The following MEGF8 variants were observed in gnomAD, a reference collection of about 807,000 sequenced individuals.
MEGF8 encodes multiple EGF like domains 8, also known as multiple epidermal growth factor-like domains protein 8.
MEGF8 carries 156 observed loss-of-function variants against 302.9 expected under a neutral mutation model. That is an observed-to-expected ratio of 0.52 (90% CI 0.45 to 0.59). MEGF8 has a LOEUF of 0.59. Ranked by LOEUF, MEGF8 falls within the 20% of genes least tolerant of loss-of-function variation. MEGF8 has a pLI of 0.00. For missense variants in MEGF8, 3,345 were observed against 3,964.5 expected, an observed-to-expected ratio of 0.84 and a Z score of 4.20; for synonymous variants, 1,621 against 1,660.5, an observed-to-expected ratio of 0.98 and a Z score of 0.58.
chr19:42,326,414 C>T lies in MEGF8; in HGVS notation c.171C>T (p.Cys57=). ...GAGNYSVNGN[C]EWLIEAPSPQ... ...GCAACTACAGCGTCAATGGCAACTG[C>T]GAGTGGCTCATCGAGGGTGAGTGGG... The change falls in exon 1 of 42, where the codon TGC becomes TGT. Residue 57 remains cysteine, a synonymous_variant. Coordinates refer to ENST00000251268, the MANE Select transcript of MEGF8 (RefSeq NM_001271938.2). 6.4e-7 allele frequency: 1 copy of T among 1,561,992 alleles called. No individual in the cohort carries two copies. Among genetic ancestry groups the T allele is most frequent in the Non-Finnish European group, 8.6e-7 (1 of 1,159,162 alleles).
In MEGF8 at chr19:42,352,188, T is replaced by A; in HGVS notation, c.3102-20T>A. 1 of 1,494,324 alleles carries A rather than the reference T, an allele frequency of 6.7e-7. No individual in the cohort carries two copies. The highest frequency in any genetic ancestry group is 8.9e-7 in the Non-Finnish European group (1 of 1,118,580). 92.6% of individuals were successfully genotyped at this position (1,494,324 alleles called of 1,614,324 possible). On this transcript the variant is annotated intron_variant, in intron 18 of 41. Coordinates refer to ENST00000251268, the MANE Select transcript of MEGF8 (RefSeq NM_001271938.2). The surrounding 1 kb of genome is among the most constrained non-coding windows in gnomAD (Gnocchi z 4.4). ...CTGTTTCTATGTTGTCCCCCGCTTC[T>A]TCACTCTCCCACCCTGCAGGTGCCT...
At chr19:42,346,984 CAAAAA>C (rs767117534) in intron 12 of MEGF8, among the ~76,000 whole-genome samples, 3 of 49,812 alleles carry the variant, frequency 6.0e-5, no homozygotes, top group Admixed American at 2.0e-4. Context: ...GACTCTGTCT[CAAAAA>C]AAAAAAAAAA....
Position 42,353,543 on chromosome 19 carries a change from C to T in MEGF8, c.3629C>T (p.Pro1210Leu). 6.2e-7 allele frequency: 1 copy of T among 1,606,196 alleles called. No homozygotes were observed. Among genetic ancestry groups the T allele is most frequent in the Non-Finnish European group, 8.5e-7 (1 of 1,176,910 alleles). Residue 1210 changes from proline (P) to leucine (L), a missense_variant, in exon 21 of 42, where the codon CCC becomes CTC. Pro to Leu is a moderately conservative substitution (Grantham distance 98). Transcript: ENST00000251268. This position sits in a 1 kb window ranked among gnomAD's most constrained non-coding sequence, Gnocchi z 6.1. ...GNATGSRGCR[P>L]CQCNGHGDPR... ...GCCACAGGCTCTAGGGGCTGCCGGC[C>T]CTGCCAGTGCAACGGGCACGGGGAC...
chr19:42,358,976 G>A lies in MEGF8; in HGVS notation c.5343+22G>A. ...GGAGGTGAGATTTGAAGAGGGTTAG[G>A]ATTGGGTGGGCTGGTAGGGGGGGAT... On this transcript the variant is annotated intron_variant, in intron 30 of 41. Transcript: ENST00000251268. The surrounding 1 kb of genome is among the most constrained non-coding windows in gnomAD (Gnocchi z 4.4). 1 of 1,603,020 alleles carries A rather than the reference G, an allele frequency of 6.2e-7. No homozygotes were observed. The highest frequency in any genetic ancestry group is 1.3e-5 in the African/African-American group (1 of 74,818).
At position 42,356,194 on chromosome 19, in the gene MEGF8, G is replaced by A. The variant is rs199686359; in HGVS notation, c.4503+1G>A. ...CCTCATGGACAGCCGCCTCTCAGCCGTGAGTTGTGGGTACCCGCTGTCTAG... is the reference window on the plus strand; with the variant it reads ...CCTCATGGACAGCCGCCTCTCAGCCATGAGTTGTGGGTACCCGCTGTCTAG... On this transcript the variant is annotated splice_donor_variant, in intron 25 of 41. Transcript: ENST00000251268. LOFTEE classifies it high-confidence loss of function. This position sits in a 1 kb window ranked among gnomAD's most constrained non-coding sequence, Gnocchi z 5.2. The A allele has an allele frequency of 2.0e-6, 3 of 1,521,066 alleles. No individual in the cohort carries two copies. Among genetic ancestry groups the A allele is most frequent in the Admixed American group, 2.1e-5 (1 of 48,314 alleles). 94.2% of individuals were successfully genotyped at this position (1,521,066 alleles called of 1,614,324 possible).
Position 42,376,766 on chromosome 19 carries a change from G to C in MEGF8, c.8529G>C (p.Met2843Ile). ...TGAGCCAGGACAACCTCACCAGCATGTCCCTCTGACATGCCCAGGGTTCTC... is the reference window on the plus strand; with the variant it reads ...TGAGCCAGGACAACCTCACCAGCATCTCCCTCTGACATGCCCAGGGTTCTC... Reference protein sequence around the residue: ...GLLSQDNLTSMSL With the variant: ...GLLSQDNLTSISL The change falls in exon 42 of 42, where the codon ATG becomes ATC. Residue 2843 changes from methionine to isoleucine, a missense_variant. By Grantham distance (10) the Met-to-Ile change is conservative. Transcript: ENST00000251268. The surrounding 1 kb of genome is among the most constrained non-coding windows in gnomAD (Gnocchi z 8.2). 6.9e-7 allele frequency: 1 copy of C among 1,452,030 alleles called. No homozygotes were observed. Among genetic ancestry groups the C allele is most frequent in the Non-Finnish European group, 9.1e-7 (1 of 1,104,094 alleles). 89.9% of individuals were successfully genotyped at this position (1,452,030 alleles called of 1,614,324 possible). A position where few individuals can be genotyped will look rare whatever the true frequency, so the allele number is the denominator to read the frequency against.
intron 3 of MEGF8, 116 bp downstream of exon 3, chr19:42,334,329 C>T (rs1322088692): frequency 2.0e-6 from 2 of 988,352 alleles, no homozygotes; most frequent in Non-Finnish European, 2.9e-6. Flanking sequence ...CCACCCCACC[C>T]TCCTCCGTGA....
In MEGF8 at chr19:42,363,223, G is replaced by A. The variant is rs756293283; in HGVS notation, c.6234G>A (p.Gly2078=). The change falls in exon 35 of 42, where the codon GGG becomes GGA. Residue 2078 remains glycine (G), a synonymous_variant. Coordinates refer to ENST00000251268, the MANE Select transcript of MEGF8 (RefSeq NM_001271938.2). ...GCCTGGACTCTAAGGGAGCAGATGG[G>A]GGCTGGCAGCACTGTGTTTGGAGCA... The part of the protein sequence containing the change: ...TSCLDSKGAD[G]GWQHCVWSSS... 24 of 1,609,484 alleles carry A rather than the reference G, an allele frequency of 1.5e-5. 1 individual carries two copies. In the East Asian group the frequency reaches 4.7e-4, roughly 31 times the overall value.
In MEGF8 at chr19:42,354,082, CAGCCTG is replaced by C; in HGVS notation, c.4011+59_4011+64del. The C allele has an allele frequency of 6.5e-7, 1 of 1,526,996 alleles. No individual in the cohort carries two copies. The highest frequency in any genetic ancestry group is 8.8e-7 in the Non-Finnish European group (1 of 1,135,006). 94.6% of individuals were successfully genotyped at this position (1,526,996 alleles called of 1,614,324 possible). On this transcript the variant is annotated intron_variant, in intron 22 of 41. Coordinates refer to ENST00000251268, the MANE Select transcript of MEGF8 (RefSeq NM_001271938.2). The surrounding 1 kb of genome is among the most constrained non-coding windows in gnomAD (Gnocchi z 4.3). ...TGAGCCAGAACCGTGTCCCCTGACC[CAGCCTG>C]CATCCTCAGACCCTGACCCTAGTAT...
Position 42,344,970 on chromosome 19 carries a change from C to T in MEGF8, c.2097+137C>T. 1 of 1,000,184 alleles carries T rather than the reference C, an allele frequency of 1.0e-6. No individual in the cohort carries two copies. The highest frequency in any genetic ancestry group is 1.3e-6 in the Non-Finnish European group (1 of 741,848). 62.0% of individuals were successfully genotyped at this position (1,000,184 alleles called of 1,614,324 possible). A position where few individuals can be genotyped will look rare whatever the true frequency, so the allele number is the denominator to read the frequency against. On this transcript the variant is annotated intron_variant, in intron 12 of 41. Transcript: ENST00000251268. The surrounding 1 kb of genome is among the most constrained non-coding windows in gnomAD (Gnocchi z 4.5). Reference sequence around the variant, plus strand: ...TCAAGGGTCTTATTTTCCTTATGGACTTTATTTTTTATTTTTTTTGAGAGG... The same window carrying T: ...TCAAGGGTCTTATTTTCCTTATGGATTTTATTTTTTATTTTTTTTGAGAGG...
rs772768716 is a variant in MEGF8, at chr19:42,368,491, G to A, written c.6310G>A (p.Ala2104Thr). Residue 2104 changes from alanine to threonine, a missense_variant, in exon 36 of 42, where the codon GCC becomes ACC. By Grantham distance (58) the Ala-to-Thr change is moderately conservative. Coordinates refer to ENST00000251268, the MANE Select transcript of MEGF8 (RefSeq NM_001271938.2). The surrounding 1 kb of genome is among the most constrained non-coding windows in gnomAD (Gnocchi z 4.9). ...SPSYLPLRCM[A>T]GGCGRLLRGP... ...TTCCTACCTGCCCCTGCGATGTATG[G>A]CCGGAGGCTGTGGGCGGCTGCTCCG... The A allele has an allele frequency of 6.2e-7, 1 of 1,610,010 alleles. No homozygotes were observed. The highest frequency in any genetic ancestry group is 8.5e-7 in the Non-Finnish European group (1 of 1,178,814).
In MEGF8 at chr19:42,348,402, C is replaced by A. The variant is rs995652263; in HGVS notation, c.2228C>A (p.Ala743Asp). 6.5e-7 allele frequency: 1 copy of A among 1,536,796 alleles called. No individual in the cohort carries two copies. Among genetic ancestry groups the A allele is most frequent in the African/African-American group, 1.4e-5 (1 of 73,038 alleles). ...GPGGPGAEDVAVWTRAQRLHV... is the reference protein window; with the variant it reads ...GPGGPGAEDVDVWTRAQRLHV... ...GGTGGACCAGGGGCTGAGGACGTGGCCGTGTGGACGCGGGCCCAGCGCCTA... is the reference window on the plus strand; with the variant it reads ...GGTGGACCAGGGGCTGAGGACGTGGACGTGTGGACGCGGGCCCAGCGCCTA... Residue 743 changes from alanine (A) to aspartate (D), a missense_variant, in exon 13 of 42, where the codon GCC (alanine) becomes GAC (aspartate). Coordinates refer to ENST00000251268, the MANE Select transcript of MEGF8 (RefSeq NM_001271938.2).
At chr19:42,326,726 T>A (rs1251154584) in intron 1 of MEGF8, among the ~76,000 whole-genome samples, 2 of 149,950 alleles carry the variant, frequency 1.3e-5, no homozygotes, top group Non-Finnish European at 2.9e-5. Context: ...TGAATTTGGT[T>A]CTACTACTAC....
intron 12 of MEGF8, 83 bp from the exon 13 acceptor site, chr19:42,348,189 G>T: frequency 1.6e-6 from 2 of 1,270,980 alleles, no homozygotes; most frequent in Non-Finnish European, 1.1e-6. Flanking sequence ...GAAGAAGGTT[G>T]GGTTGACCAG....
chr19:42,333,557 G>A, intron 1 of MEGF8, 48 bp from the exon 2 acceptor site: 1 of 1,575,658 alleles, frequency 6.3e-7, no homozygotes. Context: ...GGGAGGTGTG[G>A]GGAGAAGGTC....
chr19:42,376,236 G>A lies in MEGF8; in HGVS notation c.7999G>A (p.Val2667Met), dbSNP rs1228072440. 5 of 1,606,056 alleles carry A rather than the reference G, an allele frequency of 3.1e-6. No homozygotes were observed. The highest frequency in any genetic ancestry group is 4.2e-6 in the Non-Finnish European group (5 of 1,176,560). Residue 2667 changes from valine (V) to methionine (M), a missense_variant, in exon 42 of 42, where the codon GTG (valine) becomes ATG (methionine). Transcript: ENST00000251268. The surrounding 1 kb of genome is among the most constrained non-coding windows in gnomAD (Gnocchi z 8.2). ...SCFFLFLSLC[V>M]LLWKAKQALD... is the part of the protein sequence containing the mutation. ...CTTCTTCCTCTTCCTCTCACTCTGT[G>A]TGCTCCTCTGGAAGGCCAAGCAGGC...
chr19:42,335,329 G>A lies in MEGF8; in HGVS notation c.772G>A (p.Val258Ile), dbSNP rs375853163. 9.9e-6 allele frequency: 16 copies of A among 1,613,822 alleles called. No homozygotes were observed. Among genetic ancestry groups the A allele is most frequent in the Admixed American group, 1.7e-5 (1 of 59,998 alleles). ...CCTCAACAATGCCCTGGGTGACCTC[G>A]TCCTATACAACTTCTCCGCCAACAC... ...QDLNNALGDL[V>I]LYNFSANTWE... Residue 258 changes from valine (V) to isoleucine (I), a missense_variant, in exon 5 of 42, where the codon GTC becomes ATC. By Grantham distance (29) the Val-to-Ile change is conservative (BLOSUM62 3). Transcript: ENST00000251268.
intron 1 of MEGF8, among the ~76,000 whole-genome samples, chr19:42,328,527 G>A (rs955530069): frequency 1.3e-5 from 2 of 148,500 alleles, no homozygotes; most frequent in African/African-American, 5.1e-5. Context: ...CAGCTTGGGG[G>A]CCATTCCTGT....
Position 42,357,551 on chromosome 19 carries a change from G to A in MEGF8, c.4978G>A (p.Val1660Met), listed in dbSNP as rs1312076118. 8 of 1,612,364 alleles carry A rather than the reference G, an allele frequency of 5.0e-6. No homozygotes were observed. The highest frequency in any genetic ancestry group is 6.8e-6 in the Non-Finnish European group (8 of 1,179,366). ...GTACCAGCTGGCAACCGGCACCTGG[G>A]TGTCAGGAGCCCAGAGTGGGACACC... ...LEYQLATGTW[V>M]SGAQSGTPPT... Residue 1660 changes from valine (V) to methionine (M), a missense_variant, in exon 28 of 42, where the codon GTG becomes ATG. Transcript: ENST00000251268. This position sits in a 1 kb window ranked among gnomAD's most constrained non-coding sequence, Gnocchi z 5.2.
Sources: allele counts gnomAD v4.1 joint callset (sites outside exome capture counted in the v4.1 genomes callset), GRCh38; gene constraint gnomAD v4.1.1; non-coding constraint Gnocchi (gnomAD v3.1); transcripts MANE v1.5; gene names NCBI Gene and HGNC (gene_info 2026-07-23, HGNC 2026-07-21).